NCK1: variants seen among roughly 807,000 people sequenced by gnomAD.
NCK1 encodes the protein NCK adaptor protein 1, also known as SH2/SH3 adapter protein NCK1.
NCK1 carries 19 observed loss-of-function variants against 36.6 expected under a neutral mutation model. That is an observed-to-expected ratio of 0.52 (90% CI 0.36 to 0.76). The LOEUF is 0.76. Among genes scored for constraint, NCK1 ranks in the 30% least tolerant of loss-of-function variants. The pLI, the probability that NCK1 is intolerant of heterozygous loss-of-function variation, is 0.00. For missense variants in NCK1, 358 were observed against 445.6 expected, an observed-to-expected ratio of 0.80 and a Z score of 1.77; for synonymous variants, 165 against 156.0, an observed-to-expected ratio of 1.06 and a Z score of -0.43.
At chr3:136,901,856 C>T (rs1576964553) in intron 1 of NCK1, among the ~76,000 whole-genome samples, 1 of 151,972 alleles carries the variant, frequency 6.6e-6, no homozygotes, top group Non-Finnish European at 1.5e-5. Flanking sequence ...TTAAAAAAGT[C>T]GTTTCATTTA....
chr3:136,918,045 G>T (rs930479678), intron 1 of NCK1, among the ~76,000 whole-genome samples: 1 of 152,108 alleles, frequency 6.6e-6, no homozygotes, highest in African/African-American at 2.4e-5. Context: ...CACCCTTAGA[G>T]TTCAAGGCAG....
intron 1 of NCK1, among the ~76,000 whole-genome samples, chr3:136,915,477 G>A (rs1173287773): frequency 6.6e-6 from 1 of 152,118 alleles, no homozygotes; most frequent in East Asian, 1.9e-4. Context: ...AAGAATGTAC[G>A]GAGTGTACTG....
In NCK1 at chr3:136,944,111, C is replaced by CTTTTTTTTTTTTTTTTTTTTTTTTT. The variant is rs1560055771; in HGVS notation, c.227-1472_227-1471insTTTTTTTTTTTTTTTTTTTTTTTTT. The stretch of plus-strand genomic sequence containing the variant: ...AAAGTCGAGGGAAAAGGAAAAACAA[C>CTTTTTTTTTTTTTTTTTTTTTTTTT]CTTTTTTTTTTTTTTTTTTTTTTTT... On this transcript the variant is annotated intron_variant, in intron 2 of 3. Transcript: ENST00000481752. Among the ~76,000 whole-genome samples the CTTTTTTTTTTTTTTTTTTTTTTTTT allele has an allele frequency of 2.5e-5, 2 of 80,924 alleles. 1 individual carries two copies. Among genetic ancestry groups the CTTTTTTTTTTTTTTTTTTTTTTTTT allele is most frequent in the Non-Finnish European group, 4.5e-5 (2 of 44,914 alleles). The allele number at this position is 80,924 out of a possible 152,430, so 53.1% of individuals were successfully genotyped here. A position where few individuals can be genotyped will look rare whatever the true frequency, so the allele number is the denominator to read the frequency against.
At chr3:136,905,075 C>G (rs7433160) in intron 1 of NCK1, among the ~76,000 whole-genome samples, 3 of 149,926 alleles carry the variant, frequency 2.0e-5, no homozygotes, top group African/African-American at 7.4e-5. Context: ...TGCTATGGCA[C>G]GATCTCAGCT....
chr3:136,888,317 G>A (rs902872595), intron 1 of NCK1, among the ~76,000 whole-genome samples: 2 of 152,012 alleles, frequency 1.3e-5, no homozygotes, highest in Admixed American at 1.3e-4. Flanking sequence ...ATTGAGATAT[G>A]ATTCACATAC....
intron 1 of NCK1, chr3:136,899,362 T>C: frequency 3.7e-6 from 1 of 271,266 alleles, no homozygotes; most frequent in African/African-American, 2.3e-5. Context: ...AGCATTACAT[T>C]TGGATTTAGG....
intron 3 of NCK1, among the ~76,000 whole-genome samples, chr3:136,947,731 T>C (rs1414206971): frequency 2.0e-5 from 3 of 152,176 alleles, no homozygotes; most frequent in Admixed American, 6.5e-5. Context: ...ATTATTCTTT[T>C]GGCTCTTGTA....
intron 2 of NCK1, among the ~76,000 whole-genome samples, chr3:136,934,204 T>C (rs895515619): frequency 6.6e-6 from 1 of 152,170 alleles, no homozygotes; most frequent in Admixed American, 6.5e-5. Context: ...GTTTTTTTTT[T>C]TAACTTTTAG....
intron 1 of NCK1, among the ~76,000 whole-genome samples, chr3:136,912,412 C>G (rs1939850997): frequency 6.6e-6 from 1 of 151,840 alleles, no homozygotes; most frequent in African/African-American, 2.4e-5. Flanking sequence ...TCTCTTTGCC[C>G]CTCTACTTTT....
chr3:136,882,443 C>T (rs1938966537), intron 1 of NCK1, among the ~76,000 whole-genome samples: 1 of 152,158 alleles, frequency 6.6e-6, no homozygotes, highest in East Asian at 1.9e-4. Context: ...CAGCAGCACA[C>T]AACAGCCAGA....
intron 1 of NCK1, among the ~76,000 whole-genome samples, chr3:136,890,678 A>T (rs930902781): frequency 2.0e-5 from 3 of 152,228 alleles, no homozygotes; most frequent in Non-Finnish European, 4.4e-5. Flanking sequence ...GCCTATTACG[A>T]GTAATATGGC....
intron 1 of NCK1, among the ~76,000 whole-genome samples, chr3:136,897,720 C>G (rs574684469): frequency 2.0e-5 from 3 of 152,218 alleles, no homozygotes; most frequent in African/African-American, 7.2e-5. Context: ...AATCACAGTT[C>G]TAAATTAATT....
intron 1 of NCK1, among the ~76,000 whole-genome samples, chr3:136,903,498 TACTGC>T (rs1390948649): frequency 1.3e-5 from 2 of 152,298 alleles, no homozygotes; most frequent in South Asian, 4.1e-4. Context: ...GGTCTTGGCT[TACTGC>T]AACCTCTGCC....
Position 136,906,606 on chromosome 3 carries a change from C to T in NCK1, c.-18-21378C>T, listed in dbSNP as rs551343189. Among the ~76,000 whole-genome samples, 5 of 152,190 alleles carry T rather than the reference C, an allele frequency of 3.3e-5. No homozygotes were observed. The South Asian group carries it at 1.0e-3, about 32-fold the overall frequency. On this transcript the variant is annotated intron_variant, in intron 1 of 3. Transcript: ENST00000481752. ...GGGTACCAGGAGTGGCACAGGTGAG[C>T]CAGGCAGGTTGACAGGTTTTTAAAC... is the stretch of plus-strand genomic sequence containing the variant.
intron 1 of NCK1, among the ~76,000 whole-genome samples, chr3:136,911,461 G>A (rs1443275768): frequency 2.0e-5 from 3 of 152,116 alleles, no homozygotes; most frequent in South Asian, 4.1e-4. Context: ...GGATCTTAGT[G>A]TTTTAAATTG....
intron 1 of NCK1, among the ~76,000 whole-genome samples, chr3:136,871,271 G>A (rs1938609295): frequency 6.6e-6 from 1 of 151,970 alleles, no homozygotes; most frequent in African/African-American, 2.4e-5. Flanking sequence ...TTGGCTGTGA[G>A]CGTCTGTAGT....
intron 1 of NCK1, among the ~76,000 whole-genome samples, chr3:136,918,051 G>T (rs1184770939): frequency 6.6e-6 from 1 of 152,096 alleles, no homozygotes; most frequent in Non-Finnish European, 1.5e-5. Flanking sequence ...TAGAGTTCAA[G>T]GCAGGCCGTT....
At chr3:136,910,290 A>T (rs1939800105) in intron 1 of NCK1, among the ~76,000 whole-genome samples, 1 of 152,206 alleles carries the variant, frequency 6.6e-6, no homozygotes, top group Non-Finnish European at 1.5e-5. Context: ...ATTTAAATTT[A>T]TACCAGCTTA....
Position 136,946,474 on chromosome 3 carries a change from A to G in NCK1, c.939+179A>G, listed in dbSNP as rs943290966. On this transcript the variant is annotated intron_variant, in intron 3 of 3. Transcript: ENST00000481752. ...CATTCTTTCTAGCTATCTATTTTGA[A>G]TAAAAGAGAGCTGTGGCAGTGTTGC... 2.6e-5 allele frequency among the ~76,000 whole-genome samples: 4 copies of G among 152,190 alleles called. No homozygotes were observed. In the East Asian group the frequency reaches 7.7e-4, roughly 29 times the overall value.
Sources: allele counts gnomAD v4.1 joint callset (sites outside exome capture counted in the v4.1 genomes callset), GRCh38; gene constraint gnomAD v4.1.1; transcripts MANE v1.5; gene names NCBI Gene and HGNC (gene_info 2026-07-23, HGNC 2026-07-21).